The following IFT140 variants were observed in gnomAD, a reference collection of about 807,000 sequenced individuals.
The protein encoded by IFT140 is intraflagellar transport 140.
Under a neutral mutation model 164.6 loss-of-function variants are expected in IFT140, and 133 were observed. That is an observed-to-expected ratio of 0.81 (90% confidence interval 0.70 to 0.93). IFT140 has a LOEUF of 0.93. IFT140 is among the 40% of genes least tolerant of loss of function. IFT140 has a pLI of 0.00. For synonymous variants in IFT140, 860 were observed against 817.3 expected, an observed-to-expected ratio of 1.05 and a Z score of -0.89; for missense variants, 2,045 against 1,972.3, an observed-to-expected ratio of 1.04 and a Z score of -0.70.
intron 4 of IFT140, among the ~76,000 whole-genome samples, chr16:1,595,180 G>A (rs943686794): frequency 2.0e-5 from 3 of 152,222 alleles, no homozygotes; most frequent in Non-Finnish European, 4.4e-5. Context: ...AGCTACTCGG[G>A]AGGCTGAGGC....
chr16:1,524,454 C>T (rs1467260002), intron 24 of IFT140, 98 bp downstream of exon 24: 20 of 1,487,972 alleles, frequency 1.3e-5, no homozygotes, highest in Admixed American at 1.3e-4. Context: ...GGCCGGACCA[C>T]GTGTCACTGA....
chr16:1,586,979 T>C (rs1190678156), intron 9 of IFT140, among the ~76,000 whole-genome samples: 1 of 152,232 alleles, frequency 6.6e-6, no homozygotes, highest in Non-Finnish European at 1.5e-5. Context: ...AGTACTGGGA[T>C]GCAGGTTGTC....
At position 1,564,719 on chromosome 16, in the gene IFT140, C is replaced by A. The variant is rs1312098695; in HGVS notation, c.1902-557G>T. Among the ~76,000 whole-genome samples the A allele has an allele frequency of 2.0e-5, 3 of 151,696 alleles. No homozygotes were observed. The highest frequency in any genetic ancestry group is 4.4e-5 in the Non-Finnish European group (3 of 68,024). Reference sequence around the variant, plus strand: ...ACAAGGTTTCAAGAGAGAGCAGGTGCCCAAGGTGAGGAGGCCTATGAGCCT... The same window carrying A: ...ACAAGGTTTCAAGAGAGAGCAGGTGACCAAGGTGAGGAGGCCTATGAGCCT... On this transcript the variant is annotated intron_variant, in intron 16 of 30. Transcript: ENST00000426508. The surrounding 1 kb of genome is among the most constrained non-coding windows in gnomAD (Gnocchi z 5.5).
intron 29 of IFT140, 37 bp downstream of exon 29, chr16:1,519,844 C>G: frequency 6.6e-7 from 1 of 1,505,702 alleles, no homozygotes; most frequent in East Asian, 2.3e-5. Context: ...GTAGTCACAT[C>G]TGCCCTGGCC....
At chr16:1,548,509 G>A (rs1008979549) in intron 19 of IFT140, among the ~76,000 whole-genome samples, 2 of 152,212 alleles carry the variant, frequency 1.3e-5, no homozygotes, top group African/African-American at 4.8e-5. Context: ...TTGATTCCAT[G>A]GGCAGAATTT....
chr16:1,565,507 A>AG (rs1388023376), intron 16 of IFT140, among the ~76,000 whole-genome samples: 1 of 151,084 alleles, frequency 6.6e-6, no homozygotes, highest in South Asian at 2.1e-4. Context: ...GTAATGGAGG[A>AG]GGGAAAAAAA....
intron 19 of IFT140, among the ~76,000 whole-genome samples, chr16:1,529,210 T>A (rs2030173415): frequency 6.6e-6 from 1 of 152,158 alleles, no homozygotes; most frequent in Admixed American, 6.5e-5. Flanking sequence ...GGTGCATGTG[T>A]CTTAGCAGCA....
At chr16:1,513,110 C>G (rs2040220711) in intron 30 of IFT140, 1 of 152,210 alleles carries the variant, frequency 6.6e-6, no homozygotes. Context: ...CTGGTGGGTG[C>G]AGAGGCCCTG....
chr16:1,543,107 G>C (rs3784832), intron 19 of IFT140, among the ~76,000 whole-genome samples: 9,875 of 152,326 alleles, frequency 0.065, 554 homozygotes, highest in Admixed American at 0.18. Flanking sequence ...GGACAGGTCA[G>C]CCCGGTGCCC....
chr16:1,569,553 A>C (rs1213155974), intron 14 of IFT140, among the ~76,000 whole-genome samples: 251 of 87,772 alleles, frequency 2.9e-3, no homozygotes, highest in South Asian at 4.1e-3. Flanking sequence ...TTTTCCCTCC[A>C]CTCCCCTCCT....
chr16:1,580,690 C>T (rs1460799743), intron 13 of IFT140, 69 bp downstream of exon 13: 2 of 1,034,106 alleles, frequency 1.9e-6, no homozygotes, highest in Non-Finnish European at 3.1e-6. Context: ...AATAAACAGG[C>T]TTTGTCTCAA....
At chr16:1,516,177 A>AAAAAAAACC (rs1567318586) in intron 30 of IFT140, among the ~76,000 whole-genome samples, 1 of 115,160 alleles carries the variant, frequency 8.7e-6, no homozygotes, top group Non-Finnish European at 1.8e-5. Context: ...AAAAAAAAAA[A>AAAAAAAACC]ACACCAGAAA....
chr16:1,555,151 T>A, intron 19 of IFT140: 1 of 1,264,958 alleles, frequency 7.9e-7, no homozygotes, highest in Non-Finnish European at 1.1e-6. Context: ...CTGGGTGACC[T>A]CTGCGCCATG....
chr16:1,580,785 T>C lies in IFT140; in HGVS notation c.1498A>G (p.Asn500Asp), dbSNP rs763326520. The C allele has an allele frequency of 1.7e-5, 27 of 1,613,840 alleles. No homozygotes were observed. The highest frequency in any genetic ancestry group is 2.1e-5 in the Non-Finnish European group (25 of 1,179,848). The part of the protein sequence containing the change: ...HEENVYTVES[N>D]RVQVRTWQGT... ...TGCCAGGTTCGAACTTGAACTCGGT[T>C]TGACTCCACCGTGTAAACGTTTTCT... The change falls in exon 13 of 31, where the codon AAC becomes GAC. Residue 500 changes from asparagine to aspartate, a missense_variant. Coordinates refer to ENST00000426508, the MANE Select transcript of IFT140 (RefSeq NM_014714.4).
chr16:1,515,363 C>G (rs1437496397), intron 30 of IFT140, among the ~76,000 whole-genome samples: 2 of 152,094 alleles, frequency 1.3e-5, no homozygotes, highest in African/African-American at 2.4e-5. Context: ...CAATGGAGGC[C>G]CAGACAGGGA....
At position 1,584,257 on chromosome 16, in the gene IFT140, A is replaced by G. The variant is rs1555491448; in HGVS notation, c.1319T>C (p.Leu440Pro). ...TCCACTGATGTGCATGTCGGTGCGCAGGCTGTGTGCGACCCCCGTGGACAG... is the reference window on the plus strand; with the variant it reads ...TCCACTGATGTGCATGTCGGTGCGCGGGCTGTGTGCGACCCCCGTGGACAG... ...CFLSTGVAHS[L>P]RTDMHISGVF... Residue 440 changes from leucine (L) to proline (P), a missense_variant, in exon 11 of 31, where the codon CTG (leucine) becomes CCG (proline). Physicochemically the swap from Leu to Pro is moderately conservative, Grantham distance 98. Coordinates refer to ENST00000426508, the MANE Select transcript of IFT140 (RefSeq NM_014714.4). 3.7e-6 allele frequency: 6 copies of G among 1,613,758 alleles called. No homozygotes were observed. The highest frequency in any genetic ancestry group is 5.1e-6 in the Non-Finnish European group (6 of 1,180,008).
At chr16:1,549,017 C>A (rs1012382095) in intron 19 of IFT140, among the ~76,000 whole-genome samples, 1 of 152,244 alleles carries the variant, frequency 6.6e-6, no homozygotes, top group East Asian at 1.9e-4. Flanking sequence ...CCACCTGGCG[C>A]TCTCCAGCAG....
Position 1,568,319 on chromosome 16 carries a change from G to A in IFT140, c.1668C>T (p.His556=). 1 of 1,613,738 alleles carries A rather than the reference G, an allele frequency of 6.2e-7. No individual in the cohort carries two copies. The highest frequency in any genetic ancestry group is 8.5e-7 in the Non-Finnish European group (1 of 1,179,970). The part of the protein sequence containing the change: ...FDLSRREAKA[H]CSCRSLAELV... ...GCTCCGCCAGGCTCCTGCAGCTACA[G>A]TGTGCTTTGGCCTCTCTGCAGGGAG... The change falls in exon 15 of 31, where the codon CAC becomes CAT. Residue 556 remains histidine, a synonymous_variant. Coordinates refer to ENST00000426508, the MANE Select transcript of IFT140 (RefSeq NM_014714.4).
intron 19 of IFT140, among the ~76,000 whole-genome samples, chr16:1,555,928 CCT>C (rs1363000199): frequency 2.0e-5 from 3 of 152,068 alleles, no homozygotes; most frequent in Non-Finnish European, 4.4e-5. Flanking sequence ...ATAGTGAAAC[CCT>C]GTCTCTACTA....
Sources: allele counts gnomAD v4.1 joint callset (sites outside exome capture counted in the v4.1 genomes callset), GRCh38; gene constraint gnomAD v4.1.1; non-coding constraint Gnocchi (gnomAD v3.1); transcripts MANE v1.5; gene names NCBI Gene and HGNC (gene_info 2026-07-23, HGNC 2026-07-21).